KLHL14: variants seen among roughly 807,000 people sequenced by gnomAD.
KLHL14 encodes the protein kelch like family member 14.
KLHL14 carries 22 observed loss-of-function variants against 64.3 expected under a neutral mutation model. The ratio of observed to expected loss-of-function variants is 0.34; its 90% CI spans 0.24 to 0.49. The LOEUF (loss-of-function observed/expected upper bound fraction) is 0.49, where lower values mean the gene tolerates loss of function less well. KLHL14 is among the 20% of genes least tolerant of loss of function. The pLI, the probability that KLHL14 is intolerant of heterozygous loss-of-function variation, is 0.99. For missense variants in KLHL14, 661 were observed against 789.0 expected (o/e 0.84, Z 1.94); for synonymous variants, 322 against 333.4 (o/e 0.97, Z 0.37).
At chr18:32,735,309 C>A (rs899164678) in intron 3 of KLHL14, among the ~76,000 whole-genome samples, 3 of 152,078 alleles carry the variant, frequency 2.0e-5, no homozygotes, top group African/African-American at 7.2e-5. Context: ...CTATTCCTTA[C>A]CCTGCCATTA....
intron 3 of KLHL14, among the ~76,000 whole-genome samples, chr18:32,706,299 A>G (rs1377638667): frequency 2.6e-5 from 4 of 152,170 alleles, no homozygotes; most frequent in African/African-American, 7.2e-5. Context: ...GATGTGCCCA[A>G]GGTGGATGGT....
At chr18:32,709,424 T>C (rs2144498663) in intron 3 of KLHL14, among the ~76,000 whole-genome samples, 1 of 151,870 alleles carries the variant, frequency 6.6e-6, no homozygotes, top group African/African-American at 2.4e-5. Flanking sequence ...TCTTTTGTGA[T>C]AACACTTGAT....
At chr18:32,769,606 A>G in intron 2 of KLHL14, 39 bp downstream of exon 2, 1 of 342,922 alleles carries the variant, frequency 2.9e-6, no homozygotes, top group Non-Finnish European at 4.3e-6. Flanking sequence ...CTCTGGCTCT[A>G]CCCCCCCCTC....
chr18:32,739,380 G>A (rs943316574), intron 3 of KLHL14, among the ~76,000 whole-genome samples: 1 of 149,148 alleles, frequency 6.7e-6, no homozygotes, highest in Non-Finnish European at 1.5e-5. Flanking sequence ...TGCAGAATAA[G>A]GTATCTTAAC....
chr18:32,717,187 G>T (rs2144506020), intron 3 of KLHL14, among the ~76,000 whole-genome samples: 1 of 152,338 alleles, frequency 6.6e-6, no homozygotes, highest in Admixed American at 6.5e-5. Flanking sequence ...TCCTGTCATT[G>T]ATGTGGTATG....
intron 3 of KLHL14, among the ~76,000 whole-genome samples, chr18:32,700,647 T>G (rs2049961505): frequency 6.6e-6 from 1 of 152,208 alleles, no homozygotes; most frequent in Admixed American, 6.5e-5. Flanking sequence ...TGCTACTCTA[T>G]GCTAGGCAAT....
chr18:32,677,058 A>G (rs2049814786), intron 8 of KLHL14, 115 bp downstream of exon 8: 11 of 1,124,292 alleles, frequency 9.8e-6, no homozygotes, highest in Non-Finnish European at 1.4e-5. Flanking sequence ...GACTGCTTGC[A>G]TGTAAGTATG....
chr18:32,689,154 T>C (rs887740671), intron 4 of KLHL14, among the ~76,000 whole-genome samples: 4 of 152,144 alleles, frequency 2.6e-5, no homozygotes, highest in African/African-American at 9.7e-5. Flanking sequence ...GAGAGACCTA[T>C]AGGATCTCAA....
At chr18:32,740,018 ACT>A (rs2050188178) in intron 3 of KLHL14, among the ~76,000 whole-genome samples, 1 of 152,214 alleles carries the variant, frequency 6.6e-6, no homozygotes, top group African/African-American at 2.4e-5. Context: ...TACTACAGTG[ACT>A]TTCACAAAAT....
At chr18:32,739,011 C>T (rs542960799) in intron 3 of KLHL14, among the ~76,000 whole-genome samples, 1 of 152,250 alleles carries the variant, frequency 6.6e-6, no homozygotes, top group South Asian at 2.1e-4. Context: ...AGGAGCATGT[C>T]TGTGAGGCAC....
chr18:32,759,592 A>C (rs2050303105), intron 2 of KLHL14, among the ~76,000 whole-genome samples: 1 of 152,164 alleles, frequency 6.6e-6, no homozygotes, highest in Admixed American at 6.5e-5. Flanking sequence ...CCCAAGGAGA[A>C]GCAGCTTGTA....
At chr18:32,746,791 T>C (rs1441170808) in intron 2 of KLHL14, among the ~76,000 whole-genome samples, 1 of 152,246 alleles carries the variant, frequency 6.6e-6, no homozygotes, top group African/African-American at 2.4e-5. Context: ...AAGAAAACTT[T>C]GAGGTAATCT....
intron 3 of KLHL14, among the ~76,000 whole-genome samples, chr18:32,715,571 A>G: frequency 6.6e-6 from 1 of 152,248 alleles, no homozygotes; most frequent in Non-Finnish European, 1.5e-5. Context: ...TTATATAATA[A>G]ATTGTTTTAA....
At chr18:32,693,446 A>C (rs2049921809) in intron 4 of KLHL14, among the ~76,000 whole-genome samples, 2 of 142,722 alleles carry the variant, frequency 1.4e-5, no homozygotes, top group South Asian at 4.4e-4. Context: ...AGAGAGAGAG[A>C]GAGAGCACTC....
At chr18:32,764,856 C>A (rs543870285) in intron 2 of KLHL14, among the ~76,000 whole-genome samples, 172 of 152,174 alleles carry the variant, frequency 1.1e-3, no homozygotes, top group African/African-American at 4.0e-3. Context: ...AAATTGCTGA[C>A]CCCTGGCCTG....
chr18:32,688,345 A>G (rs984552432), intron 4 of KLHL14, among the ~76,000 whole-genome samples: 1 of 152,240 alleles, frequency 6.6e-6, no homozygotes, highest in Non-Finnish European at 1.5e-5. Context: ...ATATATATCA[A>G]GCACCTAGCA....
intron 2 of KLHL14, among the ~76,000 whole-genome samples, chr18:32,767,193 C>T (rs2050351235): frequency 6.6e-6 from 1 of 152,278 alleles, no homozygotes; most frequent in East Asian, 1.9e-4. Context: ...GCTAAGGGAA[C>T]ATTTTTATAT....
chr18:32,706,274 T>G (rs1335113797), intron 3 of KLHL14, among the ~76,000 whole-genome samples: 1 of 152,114 alleles, frequency 6.6e-6, no homozygotes, highest in Non-Finnish European at 1.5e-5. Flanking sequence ...TAAGGTGCAG[T>G]CCGTGATCTT....
intron 3 of KLHL14, among the ~76,000 whole-genome samples, chr18:32,728,401 CATGGTCGA>C (rs1481805439): frequency 6.6e-6 from 1 of 152,178 alleles, no homozygotes; most frequent in Non-Finnish European, 1.5e-5. Context: ...TAGTGCCTAC[CATGGTCGA>C]GGGCTGATGT....
Sources: allele counts gnomAD v4.1 joint callset (sites outside exome capture counted in the v4.1 genomes callset), GRCh38; gene constraint gnomAD v4.1.1; transcripts MANE v1.5; gene names NCBI Gene and HGNC (gene_info 2026-07-23, HGNC 2026-07-21).